ERBB4: variants seen among roughly 807,000 people sequenced by gnomAD.
The protein encoded by ERBB4 is receptor tyrosine-protein kinase erbB-4.
A neutral mutation model predicts 158.0 loss-of-function variants in ERBB4; 42 were observed. The observed-to-expected ratio is 0.27, with a 90% CI of 0.21 to 0.34. ERBB4 has a LOEUF of 0.34. Ranked by LOEUF, ERBB4 falls within the 10% of genes least tolerant of loss-of-function variation. The probability of loss-of-function intolerance (pLI) is 1.00; values close to 1 mark genes in which losing one functional copy is unlikely to be tolerated. For missense variants in ERBB4, 1,333 were observed against 1,624.1 expected (o/e 0.82, Z 3.08); for synonymous variants, 583 against 558.7 (o/e 1.04, Z -0.61).
chr2:211,406,872 G>A (rs2063158252), intron 25 of ERBB4, among the ~76,000 whole-genome samples: 1 of 152,122 alleles, frequency 6.6e-6, no homozygotes, highest in African/African-American at 2.4e-5. Context: ...CTTGAGCCCA[G>A]GAATTTGAAA....
intron 1 of ERBB4, among the ~76,000 whole-genome samples, chr2:212,192,070 T>TATATTATATAA (rs1326662788): frequency 7.6e-6 from 1 of 130,846 alleles, no homozygotes; most frequent in Non-Finnish European, 1.6e-5. Flanking sequence ...ATATGTTATA[T>TATATTATATAA]GTTATATATA....
intron 20 of ERBB4, among the ~76,000 whole-genome samples, chr2:211,544,314 TATTG>T (rs1396163317): frequency 1.3e-5 from 2 of 152,098 alleles, no homozygotes; most frequent in African/African-American, 4.8e-5. Context: ...CTTCAAATGT[TATTG>T]ATTATGACAG....
intron 20 of ERBB4, among the ~76,000 whole-genome samples, chr2:211,501,799 A>C (rs187976162): frequency 2.1e-3 from 327 of 152,226 alleles, no homozygotes; most frequent in African/African-American, 7.6e-3. Context: ...AATCTGACCT[A>C]ACATTTTATA....
intron 20 of ERBB4, among the ~76,000 whole-genome samples, chr2:211,524,167 C>T (rs2066269793): frequency 1.3e-5 from 2 of 152,094 alleles, no homozygotes. Context: ...TCTAAGGCCC[C>T]ACCACAGTAG....
intron 2 of ERBB4, among the ~76,000 whole-genome samples, chr2:211,952,547 T>C (rs2080901637): frequency 6.6e-6 from 1 of 152,058 alleles, no homozygotes; most frequent in African/African-American, 2.4e-5. Context: ...TTTGAGAGAA[T>C]AAAAACAACT....
At position 211,381,664 on chromosome 2, in the gene ERBB4, G is replaced by C; in HGVS notation, c.*1951C>G. ...TAGTAGACACAGTTAGATAAAGGAG[G>C]TTTGGATGGATGGATGGATGGATTT... On this transcript the variant is annotated 3_prime_UTR_variant, in exon 28 of 28. Transcript: ENST00000342788. 4.3e-6 allele frequency: 1 copy of C among 231,772 alleles called. No homozygotes were observed. Among genetic ancestry groups the C allele is most frequent in the Non-Finnish European group, 8.5e-6 (1 of 117,166 alleles). The allele number at this position is 231,772 out of a possible 1,614,324, so 14.4% of individuals were successfully genotyped here. A position where few individuals can be genotyped will look rare whatever the true frequency, so the allele number is the denominator to read the frequency against.
chr2:211,714,171 G>A (rs993548541), intron 7 of ERBB4, among the ~76,000 whole-genome samples: 2 of 152,184 alleles, frequency 1.3e-5, no homozygotes, highest in African/African-American at 2.4e-5. Context: ...GGAAAGGGTA[G>A]TACTTTGGAA....
intron 1 of ERBB4, among the ~76,000 whole-genome samples, chr2:212,225,018 A>C (rs1373865329): frequency 6.6e-6 from 1 of 152,182 alleles, no homozygotes; most frequent in East Asian, 1.9e-4. Flanking sequence ...TTTTTTCCTG[A>C]ACCATTTTTT....
intron 3 of ERBB4, among the ~76,000 whole-genome samples, chr2:211,912,237 G>A (rs925788489): frequency 6.6e-6 from 1 of 152,110 alleles, no homozygotes; most frequent in African/African-American, 2.4e-5. Flanking sequence ...TCTTTAGGCA[G>A]GTGAAGAAAT....
At chr2:212,331,901 G>T (rs547286554) in intron 1 of ERBB4, among the ~76,000 whole-genome samples, 2 of 152,142 alleles carry the variant, frequency 1.3e-5, no homozygotes, top group African/African-American at 4.8e-5. Flanking sequence ...TATTTAAGCA[G>T]AATTAATTCT....
chr2:212,421,686 A>G (rs2091796013), intron 1 of ERBB4, among the ~76,000 whole-genome samples: 1 of 152,162 alleles, frequency 6.6e-6, no homozygotes. Flanking sequence ...GATTGTCAAA[A>G]CTATCCACAT....
At chr2:211,496,684 T>C (rs1486346947) in intron 20 of ERBB4, among the ~76,000 whole-genome samples, 1 of 152,084 alleles carries the variant, frequency 6.6e-6, no homozygotes, top group African/African-American at 2.4e-5. Flanking sequence ...TATAGCCTAA[T>C]CTTAATACAG....
chr2:211,515,826 T>C lies in ERBB4; in HGVS notation c.2487+46077A>G, dbSNP rs993116964. On this transcript the variant is annotated intron_variant, in intron 20 of 27. Transcript: ENST00000342788. ...CAGAGGAAGAAGCCAGGCAGCTAAG[T>C]CAAGAAAGTATAAGGGTATTTGCAG... 4.7e-5 allele frequency among the ~76,000 whole-genome samples: 7 copies of C among 148,946 alleles called. No individual in the cohort carries two copies. The South Asian group carries it at 1.1e-3, about 23-fold the overall frequency.
chr2:211,677,467 G>A (rs2072123087), intron 13 of ERBB4, among the ~76,000 whole-genome samples: 1 of 151,852 alleles, frequency 6.6e-6, no homozygotes, highest in African/African-American at 2.4e-5. Flanking sequence ...GGAGGCTGAG[G>A]CACGAGAATT....
rs1332352510 is a variant in ERBB4 at position 212,279,672 on chromosome 2, C to A, written c.83-154769G>T. Among the ~76,000 whole-genome samples, 3 of 151,528 alleles carry A rather than the reference C, an allele frequency of 2.0e-5. No homozygotes were observed. The Admixed American group carries it at 2.0e-4, about 10-fold the overall frequency. ...TTAATCAAAAGACCTGTGGTATCAT[C>A]CTTCTTCAAAAAATATGCCAATATG... On this transcript the variant is annotated intron_variant, in intron 1 of 27. Coordinates refer to ENST00000342788, the MANE Select transcript of ERBB4 (RefSeq NM_005235.3).
intron 20 of ERBB4, among the ~76,000 whole-genome samples, chr2:211,498,601 A>G (rs921419175): frequency 6.6e-6 from 1 of 152,114 alleles, no homozygotes; most frequent in African/African-American, 2.4e-5. Context: ...TTTTTCAAAC[A>G]TCATAAGGAG....
intron 3 of ERBB4, among the ~76,000 whole-genome samples, chr2:211,930,907 G>A (rs2080157295): frequency 1.3e-5 from 2 of 152,090 alleles, no homozygotes; most frequent in Admixed American, 6.6e-5. Flanking sequence ...TTAAAAGGGA[G>A]CAATGATTAA....
chr2:211,930,458 A>C (rs1447590549), intron 3 of ERBB4, among the ~76,000 whole-genome samples: 1 of 152,156 alleles, frequency 6.6e-6, no homozygotes, highest in Non-Finnish European at 1.5e-5. Flanking sequence ...TCATGTTTGG[A>C]GTAAAGATTC....
At chr2:212,305,144 C>T (rs1229718557) in intron 1 of ERBB4, among the ~76,000 whole-genome samples, 3 of 151,314 alleles carry the variant, frequency 2.0e-5, no homozygotes, top group Admixed American at 1.3e-4. Flanking sequence ...TCTTTTGAAA[C>T]CAGATACAAT....
Sources: allele counts gnomAD v4.1 joint callset (sites outside exome capture counted in the v4.1 genomes callset), GRCh38; gene constraint gnomAD v4.1.1; transcripts MANE v1.5; gene names NCBI Gene and HGNC (gene_info 2026-07-23, HGNC 2026-07-21).